The following CACNA1E variants were observed in gnomAD, a reference collection of about 807,000 sequenced individuals.
The protein encoded by CACNA1E is calcium voltage-gated channel subunit alpha1 E.
CACNA1E carries 40 observed loss-of-function variants against 259.2 expected under a neutral mutation model. The ratio of observed to expected loss-of-function variants is 0.15; its 90% CI spans 0.12 to 0.20. The LOEUF is 0.20. Ranked by LOEUF, CACNA1E falls within the 10% of genes least tolerant of loss-of-function variation. The pLI, the probability that CACNA1E is intolerant of heterozygous loss-of-function variation, is 1.00. For missense variants in CACNA1E, 1,874 were observed against 3,040.1 expected (o/e 0.62, Z 9.02); for synonymous variants, 1,104 against 1,138.5 (o/e 0.97, Z 0.61).
intron 6 of CACNA1E, among the ~76,000 whole-genome samples, chr1:181,647,558 C>T (rs529883239): frequency 3.4e-4 from 52 of 152,268 alleles, no homozygotes; most frequent in African/African-American, 1.2e-3. Context: ...AGCTTCACCC[C>T]GACTTCCACT....
intron 1 of CACNA1E, among the ~76,000 whole-genome samples, chr1:181,322,767 T>C (rs1650460061): frequency 6.6e-6 from 1 of 152,238 alleles, no homozygotes; most frequent in Non-Finnish European, 1.5e-5. Context: ...TTTGTAACTA[T>C]GTGGATGACA....
chr1:181,458,025 G>A (rs532860777), intron 2 of CACNA1E, among the ~76,000 whole-genome samples: 17 of 152,290 alleles, frequency 1.1e-4, no homozygotes, highest in African/African-American at 3.6e-4. Flanking sequence ...GTAAGCCAGC[G>A]CCCATAGCGG....
chr1:181,575,262 G>T (rs960777784), intron 3 of CACNA1E, among the ~76,000 whole-genome samples: 4 of 152,192 alleles, frequency 2.6e-5, no homozygotes, highest in African/African-American at 9.7e-5. Context: ...CTGCAGTGTG[G>T]TTGGGAGAAT....
chr1:181,521,942 T>C (rs1396772436), intron 3 of CACNA1E, among the ~76,000 whole-genome samples: 1 of 151,586 alleles, frequency 6.6e-6, no homozygotes, highest in Non-Finnish European at 1.5e-5. Context: ...CTAAGAGGGG[T>C]TGGAAAGTAG....
chr1:181,667,930 C>T (rs1256895189), intron 7 of CACNA1E, among the ~76,000 whole-genome samples: 1 of 151,888 alleles, frequency 6.6e-6, no homozygotes, highest in Non-Finnish European at 1.5e-5. Context: ...GTATTCTTCT[C>T]CCAGTTTCCC....
At chr1:181,465,661 G>C (rs1202100217) in intron 2 of CACNA1E, among the ~76,000 whole-genome samples, 4 of 151,884 alleles carry the variant, frequency 2.6e-5, no homozygotes, top group African/African-American at 9.7e-5. Flanking sequence ...TTTATTACAA[G>C]AAATTTTGTA....
chr1:181,407,779 C>T (rs969471669), intron 1 of CACNA1E, among the ~76,000 whole-genome samples: 2 of 152,160 alleles, frequency 1.3e-5, no homozygotes, highest in Non-Finnish European at 2.9e-5. Context: ...TAGGTCATTC[C>T]CTGCCATTCC....
chr1:181,625,480 A>G (rs1274222312), intron 6 of CACNA1E, among the ~76,000 whole-genome samples: 1 of 152,162 alleles, frequency 6.6e-6, no homozygotes, highest in Non-Finnish European at 1.5e-5. Flanking sequence ...CTGTATCTGC[A>G]CTTGCTACTT....
At position 181,732,301 on chromosome 1, in the gene CACNA1E, C is replaced by T; in HGVS notation, c.2298-83C>T. 2.1e-6 allele frequency: 3 copies of T among 1,443,810 alleles called. No homozygotes were observed. Among genetic ancestry groups the T allele is most frequent in the Non-Finnish European group, 2.7e-6 (3 of 1,100,946 alleles). 89.4% of individuals were successfully genotyped at this position (1,443,810 alleles called of 1,614,324 possible). On this transcript the variant is annotated intron_variant, in intron 19 of 47. Coordinates refer to ENST00000367573, the MANE Select transcript of CACNA1E (RefSeq NM_001205293.3). This position sits in a 1 kb window ranked among gnomAD's most constrained non-coding sequence, Gnocchi z 5.5. ...CCATTTGCCCCCACCATGTGTCCTG[C>T]CCTCTCACATGGCCCCTGTGGCCAC...
intron 6 of CACNA1E, among the ~76,000 whole-genome samples, chr1:181,585,066 C>T (rs747339504): frequency 2.0e-5 from 3 of 152,102 alleles, no homozygotes; most frequent in Non-Finnish European, 4.4e-5. Flanking sequence ...TATGTCCTTG[C>T]ATGAGTCTGG....
At chr1:181,516,295 G>A (rs1047032808) in intron 3 of CACNA1E, among the ~76,000 whole-genome samples, 7 of 150,974 alleles carry the variant, frequency 4.6e-5, no homozygotes, top group South Asian at 4.2e-4. Flanking sequence ...ATCACCTAGC[G>A]TTTACCATAT....
intron 1 of CACNA1E, among the ~76,000 whole-genome samples, chr1:181,502,123 C>T (rs1044120976): frequency 1.3e-5 from 2 of 151,746 alleles, no homozygotes; most frequent in Non-Finnish European, 1.5e-5. Flanking sequence ...GGGTGGACTT[C>T]CAGGTTTGCA....
intron 1 of CACNA1E, among the ~76,000 whole-genome samples, chr1:181,495,426 A>T (rs1168812457): frequency 6.6e-6 from 1 of 152,226 alleles, no homozygotes; most frequent in Non-Finnish European, 1.5e-5. Flanking sequence ...TCTGGGGTGT[A>T]TCATAGGATT....
intron 40 of CACNA1E, among the ~76,000 whole-genome samples, chr1:181,784,377 T>C (rs1302328421): frequency 6.6e-6 from 1 of 152,326 alleles, no homozygotes; most frequent in Non-Finnish European, 1.5e-5. Flanking sequence ...CTCTGATGTA[T>C]TGAGCACCTG....
intron 2 of CACNA1E, among the ~76,000 whole-genome samples, chr1:181,458,276 G>A (rs935638084): frequency 1.3e-5 from 2 of 152,148 alleles, no homozygotes; most frequent in Admixed American, 6.5e-5. Flanking sequence ...CTGGTGCTTC[G>A]GGGACTCCTG....
intron 22 of CACNA1E, among the ~76,000 whole-genome samples, chr1:181,736,692 A>G (rs1200751971): frequency 2.0e-5 from 3 of 152,210 alleles, no homozygotes; most frequent in Non-Finnish European, 2.9e-5. Context: ...ATTGGAAAGG[A>G]ACTCTTTACC....
intron 17 of CACNA1E, among the ~76,000 whole-genome samples, chr1:181,725,109 G>C (rs774228560): frequency 6.6e-6 from 1 of 152,210 alleles, no homozygotes. Flanking sequence ...GCAGTGGGAT[G>C]GTCTACAGAG....
intron 2 of CACNA1E, among the ~76,000 whole-genome samples, chr1:181,474,865 T>C (rs1662742128): frequency 6.6e-6 from 1 of 152,226 alleles, no homozygotes. Context: ...TAATGATTGA[T>C]AAGATGGTGC....
At chr1:181,738,520 C>T in intron 24 of CACNA1E, 94 bp downstream of exon 24, 2 of 971,976 alleles carry the variant, frequency 2.1e-6, no homozygotes, top group South Asian at 2.7e-5. Context: ...TTACCACCTA[C>T]CAGCCAATGG....
Sources: allele counts gnomAD v4.1 joint callset (sites outside exome capture counted in the v4.1 genomes callset), GRCh38; gene constraint gnomAD v4.1.1; non-coding constraint Gnocchi (gnomAD v3.1); transcripts MANE v1.5; gene names NCBI Gene and HGNC (gene_info 2026-07-23, HGNC 2026-07-21).